KIAA1549: variants seen among roughly 807,000 people sequenced by gnomAD.
The protein encoded by KIAA1549 is KIAA1549.
Under a neutral mutation model 156.4 loss-of-function variants are expected in KIAA1549, and 70 were observed. That is an observed-to-expected ratio of 0.45 (90% CI 0.37 to 0.55). KIAA1549 has a LOEUF of 0.55. Among genes scored for constraint, KIAA1549 ranks in the 20% least tolerant of loss-of-function variants. KIAA1549 has a pLI of 0.00. For missense variants in KIAA1549, 2,428 were observed against 2,540.9 expected, an observed-to-expected ratio of 0.96 and a Z score of 0.96; for synonymous variants, 1,103 against 1,066.4, an observed-to-expected ratio of 1.03 and a Z score of -0.67.
intron 14 of KIAA1549, among the ~76,000 whole-genome samples, chr7:138,868,693 A>T (rs950033663): frequency 1.3e-5 from 2 of 152,146 alleles, no homozygotes; most frequent in Admixed American, 1.3e-4. Context: ...TTGGCCTCCC[A>T]AAGTGCTGGA....
At chr7:138,978,482 T>A (rs1233913664) in intron 1 of KIAA1549, among the ~76,000 whole-genome samples, 1 of 101,068 alleles carries the variant, frequency 9.9e-6, no homozygotes, top group Non-Finnish European at 2.3e-5. Context: ...ACTTGTAAAT[T>A]TTTTTTTTAA....
intron 1 of KIAA1549, among the ~76,000 whole-genome samples, chr7:138,969,446 T>C (rs1411209853): frequency 1.3e-5 from 2 of 152,258 alleles, no homozygotes; most frequent in African/African-American, 4.8e-5. Flanking sequence ...ATCCATGTTG[T>C]AGCATGTGTC....
At chr7:138,865,586 T>C (rs908248026) in intron 15 of KIAA1549, among the ~76,000 whole-genome samples, 1 of 152,184 alleles carries the variant, frequency 6.6e-6, no homozygotes, top group African/African-American at 2.4e-5. Flanking sequence ...AAGATTTTTA[T>C]TTTGGGGCAA....
At chr7:138,894,636 A>G in intron 9 of KIAA1549, 110 bp from the exon 10 acceptor site, 1 of 1,015,402 alleles carries the variant, frequency 9.8e-7, no homozygotes, top group Non-Finnish European at 1.5e-6. Context: ...AGCTCAAGAT[A>G]GCTGGTTCCA....
chr7:138,918,868 T>A lies in KIAA1549; in HGVS notation c.758A>T (p.Tyr253Phe). The A allele has an allele frequency of 6.2e-7, 1 of 1,613,976 alleles. No homozygotes were observed. Among genetic ancestry groups the A allele is most frequent in the Non-Finnish European group, 8.5e-7 (1 of 1,179,888 alleles). ...TAAATGACTGTAAGCATCAGTAGGATAAAGCACCAAATTCCTGCCAGGAGT... is the reference window on the plus strand; with the variant it reads ...TAAATGACTGTAAGCATCAGTAGGAAAAAGCACCAAATTCCTGCCAGGAGT... ...VPTPGRNLVL[Y>F]PTDAYSHLSS... The change falls in exon 2 of 20, where the codon TAT becomes TTT. Residue 253 changes from tyrosine (Y) to phenylalanine (F), a missense_variant. Physicochemically the swap from Tyr to Phe is conservative, Grantham distance 22 (BLOSUM62 3). Transcript: ENST00000422774. The surrounding 1 kb of genome is among the most constrained non-coding windows in gnomAD (Gnocchi z 4.2).
chr7:138,967,950 G>A (rs1045432306), intron 1 of KIAA1549, among the ~76,000 whole-genome samples: 7 of 152,142 alleles, frequency 4.6e-5, no homozygotes, highest in African/African-American at 1.7e-4. Context: ...CACCTGTCAC[G>A]TGCTCCTGCT....
At chr7:138,959,298 C>T (rs17160639) in intron 1 of KIAA1549, among the ~76,000 whole-genome samples, 13,813 of 152,202 alleles carry the variant, frequency 0.091, 707 homozygotes, top group South Asian at 0.19. Flanking sequence ...CCACAAATCA[C>T]GACCATACAC....
At chr7:138,923,899 G>C (rs1812636044) in intron 1 of KIAA1549, among the ~76,000 whole-genome samples, 1 of 152,164 alleles carries the variant, frequency 6.6e-6, no homozygotes, top group East Asian at 1.9e-4. Flanking sequence ...CCTAGCATCT[G>C]AAAGTCACCA....
At chr7:138,865,493 A>G (rs958435429) in intron 15 of KIAA1549, among the ~76,000 whole-genome samples, 3 of 151,988 alleles carry the variant, frequency 2.0e-5, no homozygotes, top group Non-Finnish European at 4.4e-5. Context: ...AAGTTGAGGG[A>G]AAAAAAGATA....
At chr7:138,892,279 G>C (rs1275029956) in intron 10 of KIAA1549, among the ~76,000 whole-genome samples, 1 of 152,228 alleles carries the variant, frequency 6.6e-6, no homozygotes, top group African/African-American at 2.4e-5. Context: ...TTGACCCCAA[G>C]AGACGCTGTG....
intron 1 of KIAA1549, among the ~76,000 whole-genome samples, chr7:138,942,401 T>C (rs771946860): frequency 6.6e-6 from 1 of 151,316 alleles, no homozygotes; most frequent in Non-Finnish European, 1.5e-5. Flanking sequence ...GTGAAAATAA[T>C]ATCTCGGATG....
At position 138,833,083 on chromosome 7, in the gene KIAA1549, T is replaced by C. The variant is rs1165911330; in HGVS notation, c.*4823A>G. 1 of 232,196 alleles carries C rather than the reference T, an allele frequency of 4.3e-6. No homozygotes were observed. Among genetic ancestry groups the C allele is most frequent in the Non-Finnish European group, 8.5e-6 (1 of 117,400 alleles). 14.4% of individuals were successfully genotyped at this position (232,196 alleles called of 1,614,324 possible). On this transcript the variant is annotated 3_prime_UTR_variant, in exon 20 of 20. Transcript: ENST00000422774. ...ACAGAAGTGGACTTCCTCCTGCTCC[T>C]GTCCAGGGCAAATGTGGATAAGCAG... is the stretch of plus-strand genomic sequence containing the variant.
At chr7:138,885,674 T>C (rs1811370064) in intron 10 of KIAA1549, among the ~76,000 whole-genome samples, 2 of 152,352 alleles carry the variant, frequency 1.3e-5, no homozygotes, top group South Asian at 2.1e-4. Flanking sequence ...TGGTCACTCA[T>C]ACTGGCTTGG....
At chr7:138,980,540 G>A (rs1814514041) in intron 1 of KIAA1549, among the ~76,000 whole-genome samples, 1 of 152,182 alleles carries the variant, frequency 6.6e-6, no homozygotes, top group Non-Finnish European at 1.5e-5. Context: ...AAAGATCCGT[G>A]GCCAGGGCGC....
At position 138,894,458 on chromosome 7, in the gene KIAA1549, C is replaced by T. The variant is rs1356521209; in HGVS notation, c.3916G>A (p.Val1306Ile). 3 of 1,613,942 alleles carry T rather than the reference C, an allele frequency of 1.9e-6. No homozygotes were observed. The highest frequency in any genetic ancestry group is 1.7e-5 in the Admixed American group (1 of 60,012). Residue 1306 changes from valine to isoleucine, a missense_variant, in exon 10 of 20, where the codon GTC becomes ATC. Coordinates refer to ENST00000422774, the MANE Select transcript of KIAA1549 (RefSeq NM_001164665.2). ...SNNLWVIVGV[V>I]IPVLVVMVIV... Reference sequence around the variant, plus strand: ...ACCATCACCACCAGCACTGGGATGACCACGCCAACAATGACCCACAAGTTG... The same window carrying T: ...ACCATCACCACCAGCACTGGGATGATCACGCCAACAATGACCCACAAGTTG...
chr7:138,950,248 T>C (rs1042927832), intron 1 of KIAA1549, among the ~76,000 whole-genome samples: 5 of 152,328 alleles, frequency 3.3e-5, no homozygotes, highest in African/African-American at 9.6e-5. Context: ...AGATCTTTTA[T>C]TATAATCGTA....
intron 18 of KIAA1549, among the ~76,000 whole-genome samples, chr7:138,841,326 G>A (rs1809910865): frequency 6.6e-6 from 1 of 152,030 alleles, no homozygotes; most frequent in Non-Finnish European, 1.5e-5. Context: ...CCCATATTGT[G>A]TCTGTAATGT....
At chr7:138,901,687 C>T (rs1013229720) in intron 8 of KIAA1549, among the ~76,000 whole-genome samples, 1 of 152,144 alleles carries the variant, frequency 6.6e-6, no homozygotes, top group Non-Finnish European at 1.5e-5. Context: ...AAAATTCCAA[C>T]ACATAAAGAT....
At chr7:138,896,393 A>G (rs1292830654) in intron 9 of KIAA1549, among the ~76,000 whole-genome samples, 1 of 152,246 alleles carries the variant, frequency 6.6e-6, no homozygotes, top group African/African-American at 2.4e-5. Context: ...GGAAAAAAGC[A>G]CAGATTAGAG....
Sources: allele counts gnomAD v4.1 joint callset (sites outside exome capture counted in the v4.1 genomes callset), GRCh38; gene constraint gnomAD v4.1.1; non-coding constraint Gnocchi (gnomAD v3.1); transcripts MANE v1.5; gene names NCBI Gene and HGNC (gene_info 2026-07-23, HGNC 2026-07-21).